The following BMPR2 variants were observed in gnomAD, a reference collection of about 807,000 sequenced individuals.
BMPR2 encodes bone morphogenetic protein receptor type-2.
BMPR2 carries 29 observed loss-of-function variants against 100.8 expected under a neutral mutation model. The observed-to-expected ratio is 0.29, with a 90% CI of 0.21 to 0.39. BMPR2 has a LOEUF of 0.39. Among genes scored for constraint, BMPR2 ranks in the 10% least tolerant of loss-of-function variants. The probability of loss-of-function intolerance (pLI) is 1.00; values close to 1 mark genes in which losing one functional copy is unlikely to be tolerated. For synonymous variants in BMPR2, 382 were observed against 442.3 expected, an observed-to-expected ratio of 0.86 and a Z score of 1.71; for missense variants, 1,011 against 1,274.5, an observed-to-expected ratio of 0.79 and a Z score of 3.15.
intron 9 of BMPR2, among the ~76,000 whole-genome samples, chr2:202,535,095 A>C (rs1210230132): frequency 4.9e-5 from 4 of 80,978 alleles, no homozygotes; most frequent in Admixed American, 2.6e-4. Context: ...TGACCCCCCC[A>C]CCTCCCTCCC....
intron 7 of BMPR2, among the ~76,000 whole-genome samples, chr2:202,523,851 T>C (rs922883688): frequency 6.6e-6 from 1 of 150,570 alleles, no homozygotes; most frequent in Non-Finnish European, 1.5e-5. Context: ...CACCATCGAG[T>C]ACTACACAGC....
At chr2:202,434,374 A>T (rs1268168198) in intron 1 of BMPR2, among the ~76,000 whole-genome samples, 1 of 150,444 alleles carries the variant, frequency 6.6e-6, no homozygotes, top group African/African-American at 2.5e-5. Context: ...TGCTCAAGGT[A>T]TTTTGCTTGT....
In BMPR2 at chr2:202,435,376, CATATATATATATATAT is replaced by C. The variant is rs141854934; in HGVS notation, c.77-29416_77-29401del. On this transcript the variant is annotated intron_variant, in intron 1 of 12. Transcript: ENST00000374580. Reference sequence around the variant, plus strand: ...CAGATCCTGTCTCAAAAAAAAAATACATATATATATATATATATATATATATATATATGTTTTTGTA... The same window carrying C: ...CAGATCCTGTCTCAAAAAAAAAATACATATATATATATATATGTTTTTGTA... Among the ~76,000 whole-genome samples, 34 of 103,428 alleles carry C rather than the reference CATATATATATATATAT, an allele frequency of 3.3e-4. 1 individual carries two copies. The highest frequency in any genetic ancestry group is 4.6e-4 in the African/African-American group (11 of 23,874). 67.9% of individuals were successfully genotyped at this position (103,428 alleles called of 152,430 possible).
At chr2:202,443,237 C>G (rs1691782012) in intron 1 of BMPR2, among the ~76,000 whole-genome samples, 1 of 150,700 alleles carries the variant, frequency 6.6e-6, no homozygotes, top group South Asian at 2.1e-4. Context: ...CCCAAGCTGA[C>G]TAATATAATG....
intron 1 of BMPR2, among the ~76,000 whole-genome samples, chr2:202,412,226 A>G (rs1368282918): frequency 2.0e-5 from 3 of 152,182 alleles, no homozygotes; most frequent in African/African-American, 7.2e-5. Flanking sequence ...TGATAGAAGG[A>G]ATTCTTGAGA....
intron 1 of BMPR2, among the ~76,000 whole-genome samples, chr2:202,418,525 C>T (rs1462082252): frequency 6.6e-6 from 1 of 152,162 alleles, no homozygotes; most frequent in Non-Finnish European, 1.5e-5. Flanking sequence ...GTCCAAGGTG[C>T]TTGGGTTACA....
chr2:202,552,915 A>G (rs755311198), intron 11 of BMPR2, 27 bp downstream of exon 11: 3 of 1,613,572 alleles, frequency 1.9e-6, no homozygotes, highest in Non-Finnish European at 2.5e-6. Flanking sequence ...TGTGGCATCT[A>G]TCAATCAGTA....
chr2:202,473,451 T>TA (rs141525293), intron 3 of BMPR2, among the ~76,000 whole-genome samples: 14,964 of 148,922 alleles, frequency 0.1, 990 homozygotes, highest in South Asian at 0.25. Context: ...GAACCTGTCT[T>TA]AAAAAAAAAT....
chr2:202,436,188 T>G (rs1691610483), intron 1 of BMPR2, among the ~76,000 whole-genome samples: 1 of 150,876 alleles, frequency 6.6e-6, no homozygotes, highest in Non-Finnish European at 1.5e-5. Context: ...GCACAGTGGC[T>G]TACGCCTATA....
intron 1 of BMPR2, among the ~76,000 whole-genome samples, chr2:202,416,573 G>A (rs570247479): frequency 7.2e-4 from 108 of 150,330 alleles, no homozygotes; most frequent in Non-Finnish European, 1.2e-3. Flanking sequence ...CTACAGGCAC[G>A]TGCCACCACG....
At chr2:202,384,368 A>G (rs1249587064) in intron 1 of BMPR2, among the ~76,000 whole-genome samples, 2 of 152,184 alleles carry the variant, frequency 1.3e-5, no homozygotes, top group East Asian at 3.9e-4. Context: ...ACTTGGTGGA[A>G]AAATTATGAG....
intron 11 of BMPR2, among the ~76,000 whole-genome samples, chr2:202,553,668 T>TC (rs1024367598): frequency 5.1e-4 from 77 of 152,132 alleles, no homozygotes; most frequent in African/African-American, 1.8e-3. Context: ...TTTTTTTTTT[T>TC]CTGTGTGGTT....
intron 1 of BMPR2, among the ~76,000 whole-genome samples, chr2:202,434,933 A>ATATATATATATATATATATT (rs1483284948): frequency 1.6e-4 from 13 of 82,018 alleles, no homozygotes; most frequent in Admixed American, 4.7e-4. Context: ...ATATATATAT[A>ATATATATATATATATATATT]TATTTATTTA....
At chr2:202,499,621 T>C (rs1300005083) in intron 3 of BMPR2, among the ~76,000 whole-genome samples, 1 of 152,136 alleles carries the variant, frequency 6.6e-6, no homozygotes, top group South Asian at 2.1e-4. Context: ...GAAAATATAC[T>C]CCCCTGTCAC....
rs1359896110 is a variant in BMPR2 at position 202,503,322 on chromosome 2, G to C, written c.419-10397G>C. Among the ~76,000 whole-genome samples the C allele has an allele frequency of 6.6e-6, 1 of 152,234 alleles. No individual in the cohort carries two copies. ...TTCAGCCCACCACTGCATTGTGGGA[G>C]CCCCTTTCTGGGCTGGCCAAGGCCG... is the stretch of plus-strand genomic sequence containing the variant. On this transcript the variant is annotated intron_variant, in intron 3 of 12. Transcript: ENST00000374580. The surrounding 1 kb of genome is among the most constrained non-coding windows in gnomAD (Gnocchi z 4.0).
intron 10 of BMPR2, among the ~76,000 whole-genome samples, chr2:202,551,198 C>G (rs937835793): frequency 1.3e-5 from 2 of 151,806 alleles, no homozygotes; most frequent in African/African-American, 2.4e-5. Flanking sequence ...CAAACCTAGT[C>G]TGTTTTTAAA....
chr2:202,518,800 G>T (rs1290193547), intron 5 of BMPR2, 22 bp from the exon 6 acceptor site: 4 of 1,589,774 alleles, frequency 2.5e-6, no homozygotes, highest in Admixed American at 1.7e-5. Flanking sequence ...TTAATACCTT[G>T]CTTTCTTTAA....
At chr2:202,386,643 G>GT (rs1341276704) in intron 1 of BMPR2, among the ~76,000 whole-genome samples, 1 of 151,036 alleles carries the variant, frequency 6.6e-6, no homozygotes, top group Non-Finnish European at 1.5e-5. Flanking sequence ...CTTTATTACA[G>GT]TCTCCTTTCA....
chr2:202,492,474 C>T (rs892826025), intron 3 of BMPR2, among the ~76,000 whole-genome samples: 5 of 151,886 alleles, frequency 3.3e-5, no homozygotes, highest in Non-Finnish European at 7.4e-5. Flanking sequence ...CCTACGCAGG[C>T]AGATCACTTG....
Sources: allele counts gnomAD v4.1 joint callset (sites outside exome capture counted in the v4.1 genomes callset), GRCh38; gene constraint gnomAD v4.1.1; non-coding constraint Gnocchi (gnomAD v3.1); transcripts MANE v1.5; gene names NCBI Gene and HGNC (gene_info 2026-07-23, HGNC 2026-07-21).